Variants in USP33 observed in about 807,000 individuals in gnomAD.
USP33 encodes the protein ubiquitin specific peptidase 33.
In USP33, 46 loss-of-function variants were observed where a neutral mutation model predicts 124.2. The ratio of observed to expected loss-of-function variants is 0.37; its 90% CI spans 0.29 to 0.47. USP33 has a LOEUF of 0.47. USP33 is among the 20% of genes least tolerant of loss of function. USP33 has a pLI of 0.99. For synonymous variants in USP33, 350 were observed against 352.3 expected (o/e 0.99, Z 0.07); for missense variants, 851 against 1,070.6 (o/e 0.79, Z 2.86).
chr1:77,723,886 G>A (rs533392323), intron 11 of USP33, among the ~76,000 whole-genome samples: 1 of 151,658 alleles, frequency 6.6e-6, no homozygotes, highest in African/African-American at 2.4e-5. Flanking sequence ...GGATAGTCTC[G>A]ATCTCCTGAC....
At chr1:77,700,988 C>T (rs141888236) in intron 22 of USP33, among the ~76,000 whole-genome samples, 237 of 152,220 alleles carry the variant, frequency 1.6e-3, no homozygotes, top group African/African-American at 5.5e-3. Context: ...CGTGAGCCAC[C>T]GTGCCTGGCA....
At chr1:77,719,175 A>G (rs570173206) in intron 15 of USP33, among the ~76,000 whole-genome samples, 24 of 151,646 alleles carry the variant, frequency 1.6e-4, no homozygotes, top group African/African-American at 5.3e-4. Flanking sequence ...CCTGGCCAAC[A>G]TGGTGAAACC....
At chr1:77,697,791 G>T in intron 23 of USP33, 72 bp downstream of exon 23, 4 of 1,376,680 alleles carry the variant, frequency 2.9e-6, no homozygotes, top group South Asian at 2.5e-5. Context: ...TACTATAGAT[G>T]ACTAATGATA....
chr1:77,713,391 T>G (rs1049337625), intron 19 of USP33, 110 bp from the exon 20 acceptor site: 1 of 899,506 alleles, frequency 1.1e-6, no homozygotes, highest in Admixed American at 3.1e-5. Flanking sequence ...ATCATCATTG[T>G]TTTTTTAAGT....
chr1:77,722,057 C>A lies in USP33; in HGVS notation c.1529G>T (p.Gly510Val). The A allele has an allele frequency of 6.2e-7, 1 of 1,613,744 alleles. No individual in the cohort carries two copies. The highest frequency in any genetic ancestry group is 1.3e-5 in the African/African-American group (1 of 75,002). The change falls in exon 13 of 24, where the codon GGG (glycine) becomes GTG (valine). Residue 510 changes from glycine (G) to valine (V), a missense_variant. Physicochemically the swap from Gly to Val is moderately radical, Grantham distance 109. This residue lies in a region of USP33 where 281 missense variants were observed against 425.0 expected (regional missense o/e 0.66). Transcript: ENST00000370794. ...GSCGEAYAPQ[G>V]WIAFFMEYVK... ...ATATTCCATGAAAAAAGCTATCCAC[C>A]CTTGTGGAGCATATGCTTCGCCACA...
intron 5 of USP33, among the ~76,000 whole-genome samples, chr1:77,738,759 C>T (rs934841710): frequency 6.6e-6 from 1 of 152,150 alleles, no homozygotes; most frequent in African/African-American, 2.4e-5. Context: ...GGATTACAGG[C>T]GTGAGCCACC....
chr1:77,739,412 T>A lies in USP33; in HGVS notation c.204A>T (p.Thr68=). 6.2e-7 allele frequency: 1 copy of A among 1,601,352 alleles called. No homozygotes were observed. The highest frequency in any genetic ancestry group is 8.5e-7 in the Non-Finnish European group (1 of 1,175,026). Residue 68 remains threonine (T), a synonymous_variant, in exon 5 of 24, where the codon ACA becomes ACT. Transcript: ENST00000370794. ...VDHSTIHSQE[T]KHYLTVNLTT... is the part of the protein sequence containing the mutation. ...TAAGGTTCACAGTTAGATAATGCTT[T>A]GTCTCCTATATAATTTCACAGTAGA...
chr1:77,731,540 T>C (rs1677811547), intron 7 of USP33, among the ~76,000 whole-genome samples: 1 of 146,860 alleles, frequency 6.8e-6, no homozygotes, highest in African/African-American at 2.5e-5. Context: ...AGTGTAATCT[T>C]TTTTTTTTTT....
At chr1:77,704,848 A>G (rs1570731238) in intron 21 of USP33, among the ~76,000 whole-genome samples, 1 of 152,124 alleles carries the variant, frequency 6.6e-6, no homozygotes, top group Non-Finnish European at 1.5e-5. Flanking sequence ...CATACTTCAC[A>G]TGGTCTACAC....
At chr1:77,752,417 G>A (rs1165471210) in intron 1 of USP33, among the ~76,000 whole-genome samples, 1 of 152,158 alleles carries the variant, frequency 6.6e-6, no homozygotes, top group Non-Finnish European at 1.5e-5. Flanking sequence ...GGGATTACAG[G>A]AGTGAGCCAC....
At chr1:77,718,515 G>C in intron 16 of USP33, 81 bp downstream of exon 16, 1 of 1,126,072 alleles carries the variant, frequency 8.9e-7, no homozygotes, top group South Asian at 1.4e-5. Flanking sequence ...CAAGCAAAGA[G>C]AATTTATTAC....
At chr1:77,730,837 C>A in intron 7 of USP33, 106 bp from the exon 8 acceptor site, 1 of 670,760 alleles carries the variant, frequency 1.5e-6, no homozygotes, top group Non-Finnish European at 2.3e-6. Flanking sequence ...GCCGTTATTT[C>A]TTTCTTTGAT....
intron 1 of USP33, among the ~76,000 whole-genome samples, chr1:77,743,507 T>C (rs1263198329): frequency 3.3e-5 from 5 of 152,094 alleles, no homozygotes; most frequent in Non-Finnish European, 5.9e-5. Flanking sequence ...CAGGGCCTCA[T>C]TCTGTCACTC....
chr1:77,708,046 T>C (rs776060005), intron 21 of USP33, among the ~76,000 whole-genome samples: 1 of 152,230 alleles, frequency 6.6e-6, no homozygotes. Flanking sequence ...CAACACATAC[T>C]GGTGCAGGAG....
intron 4 of USP33, 42 bp downstream of exon 4, chr1:77,740,835 C>T (rs1557861494): frequency 1.4e-6 from 2 of 1,435,552 alleles, no homozygotes; most frequent in East Asian, 5.0e-5. Context: ...CCTTCAGGCA[C>T]TTTTTTTAAC....
Position 77,718,660 on chromosome 1 carries a change from A to C in USP33, c.1692-19T>G, listed in dbSNP as rs7555421. 41,703 of 1,584,772 alleles carry C rather than the reference A, an allele frequency of 0.026. 666 individuals carry two copies. The highest frequency in any genetic ancestry group is 0.079 in the Middle Eastern group (467 of 5,918). The stretch of plus-strand genomic sequence containing the variant: ...TCTCAACCTAAGGGGAGAAAAGAGA[A>C]AATCAATTAGTCTACAAAAAAACTT... On this transcript the variant is annotated intron_variant, in intron 15 of 23. Coordinates refer to ENST00000370794, the MANE Select transcript of USP33 (RefSeq NM_201624.3).
At chr1:77,718,134 C>T in intron 16 of USP33, 87 bp from the exon 17 acceptor site, 2 of 1,179,632 alleles carry the variant, frequency 1.7e-6, no homozygotes, top group Non-Finnish European at 2.4e-6. Context: ...CATTTTTATT[C>T]AACAAGCAAG....
In USP33 at chr1:77,713,295, T is replaced by C. The variant is rs371122687; in HGVS notation, c.2216-14A>G. 2.5e-5 allele frequency: 39 copies of C among 1,560,668 alleles called. No homozygotes were observed. In the Middle Eastern group the frequency reaches 1.2e-3, roughly 48 times the overall value. On this transcript the variant is annotated splice_polypyrimidine_tract_variant and intron_variant, in intron 19 of 23. Coordinates refer to ENST00000370794, the MANE Select transcript of USP33 (RefSeq NM_201624.3). ...TTGGAGGAACACCTAAAAAAATATA[T>C]AAACATATCTGTTTCATGCTTTTAA...
At chr1:77,741,846 AATG>A in intron 1 of USP33, 98 bp from the exon 2 acceptor site, 1 of 1,117,756 alleles carries the variant, frequency 8.9e-7, no homozygotes, top group Non-Finnish European at 1.2e-6. Flanking sequence ...ACATATTAAA[AATG>A]ATTAAAAGAT....
Sources: allele counts gnomAD v4.1 joint callset (sites outside exome capture counted in the v4.1 genomes callset), GRCh38; gene constraint gnomAD v4.1.1; regional missense constraint gnomAD v4.1.1; transcripts MANE v1.5; gene names NCBI Gene and HGNC (gene_info 2026-07-23, HGNC 2026-07-21).